SCNN1B: variants seen among roughly 807,000 people sequenced by gnomAD.
SCNN1B encodes the protein sodium channel epithelial 1 subunit beta.
SCNN1B carries 46 observed loss-of-function variants against 65.3 expected under a neutral mutation model. That is an observed-to-expected ratio of 0.70 (90% CI 0.56 to 0.90). The LOEUF (loss-of-function observed/expected upper bound fraction) is 0.90. SCNN1B is among the 40% of genes least tolerant of loss of function. SCNN1B has a pLI of 0.00. For synonymous variants in SCNN1B, 349 were observed against 330.6 expected, an observed-to-expected ratio of 1.06 and a Z score of -0.60; for missense variants, 751 against 830.5, an observed-to-expected ratio of 0.90 and a Z score of 1.18.
At chr16:23,351,172 G>T (rs996394558) in intron 2 of SCNN1B, among the ~76,000 whole-genome samples, 7 of 152,138 alleles carry the variant, frequency 4.6e-5, no homozygotes, top group South Asian at 2.1e-4. Flanking sequence ...TTCCTGCCTT[G>T]GTGGGTTCTT....
In SCNN1B at chr16:23,345,646, A is replaced by G. The variant is rs191509323; in HGVS notation, c.-8-2946A>G. ...TATAAACGAATAGAATTGAGTCCTA[A>G]TGTTCCACTTTGAGTCACATGCACA... On this transcript the variant is annotated intron_variant, in intron 1 of 12. Coordinates refer to ENST00000343070, the MANE Select transcript of SCNN1B (RefSeq NM_000336.3). Among the ~76,000 whole-genome samples, 13 of 152,328 alleles carry G rather than the reference A, an allele frequency of 8.5e-5. 1 individual carries two copies. Among genetic ancestry groups the G allele is most frequent in the African/African-American group, 3.1e-4 (13 of 41,578 alleles).
intron 1 of SCNN1B, among the ~76,000 whole-genome samples, chr16:23,334,398 A>G (rs1327294353): frequency 1.3e-5 from 2 of 152,170 alleles, no homozygotes; most frequent in African/African-American, 4.8e-5. Flanking sequence ...GACTATATAC[A>G]TGCATACTGT....
At chr16:23,296,413 G>C (rs1313830700) in intron 2 of SCNN1B, among the ~76,000 whole-genome samples, 1 of 152,156 alleles carries the variant, frequency 6.6e-6, no homozygotes, top group Non-Finnish European at 1.5e-5. Context: ...GTTAACAAAA[G>C]CTGGATCTCT....
intron 1 of SCNN1B, among the ~76,000 whole-genome samples, chr16:23,280,553 C>A (rs1043995383): frequency 2.6e-5 from 4 of 152,112 alleles, no homozygotes; most frequent in South Asian, 2.1e-4. Flanking sequence ...TAGTTTTCCA[C>A]GTATTAAACA....
chr16:23,370,485 C>T (rs1355722406), intron 5 of SCNN1B, among the ~76,000 whole-genome samples: 1 of 152,188 alleles, frequency 6.6e-6, no homozygotes. Context: ...TTGTCCTAAC[C>T]AGAGGGACTC....
intron 1 of SCNN1B, among the ~76,000 whole-genome samples, chr16:23,337,156 A>G (rs1473355148): frequency 4.6e-5 from 7 of 152,086 alleles, no homozygotes; most frequent in African/African-American, 1.7e-4. Flanking sequence ...GGCTCAAGCA[A>G]TCCTCCCACC....
intron 8 of SCNN1B, 32 bp from the exon 9 acceptor site, chr16:23,377,133 A>AAAGC (rs766005858): frequency 1.2e-6 from 2 of 1,606,472 alleles, no homozygotes; most frequent in East Asian, 2.2e-5. Flanking sequence ...GCCCCCTTAA[A>AAAGC]CCTCTTGGCC....
chr16:23,294,476 C>G (rs1382585383), intron 2 of SCNN1B, among the ~76,000 whole-genome samples: 1 of 138,954 alleles, frequency 7.2e-6, no homozygotes, highest in Non-Finnish European at 1.6e-5. Flanking sequence ...CCCCCCATCA[C>G]CTCTCTGAAC....
chr16:23,334,153 A>G (rs1023296781), intron 1 of SCNN1B, among the ~76,000 whole-genome samples: 6 of 152,154 alleles, frequency 3.9e-5, no homozygotes, highest in African/African-American at 7.2e-5. Flanking sequence ...GTGGACAGCC[A>G]CATTCCCCAG....
chr16:23,363,792 C>T lies in SCNN1B; in HGVS notation c.777-4064C>T, dbSNP rs138982049. Among the ~76,000 whole-genome samples, 15 of 151,156 alleles carry T rather than the reference C, an allele frequency of 9.9e-5. No individual in the cohort carries two copies. The East Asian group carries it at 2.9e-3, about 29-fold the overall frequency. ...TCACGCCATTGCACTCCAGCCTGGG[C>T]AACAGAGTGACACCCTGTCTCTACC... On this transcript the variant is annotated intron_variant, in intron 4 of 12. Transcript: ENST00000343070.
At chr16:23,343,749 G>A (rs1287855404) in intron 1 of SCNN1B, among the ~76,000 whole-genome samples, 2 of 152,142 alleles carry the variant, frequency 1.3e-5, no homozygotes, top group East Asian at 3.8e-4. Context: ...TGAGTTCAGG[G>A]CCAATGTATA....
chr16:23,311,891 A>G (rs1022699909), intron 1 of SCNN1B, among the ~76,000 whole-genome samples: 1 of 152,196 alleles, frequency 6.6e-6, no homozygotes, highest in African/African-American at 2.4e-5. Flanking sequence ...GAAAGCCCCA[A>G]GAGATGGCCA....
chr16:23,294,556 A>C (rs1252706924), intron 2 of SCNN1B, among the ~76,000 whole-genome samples: 1 of 147,792 alleles, frequency 6.8e-6, no homozygotes, highest in Non-Finnish European at 1.5e-5. Flanking sequence ...CTTCAAACAC[A>C]CCCAGCACAC....
Position 23,378,721 on chromosome 16 carries a change from G to T in SCNN1B, c.1420G>T (p.Val474Phe), listed in dbSNP as rs767553064. The change falls in exon 11 of 13, where the codon GTC (valine) becomes TTC (phenylalanine). Residue 474 changes from valine (V) to phenylalanine (F), a missense_variant. By Grantham distance (50) the Val-to-Phe change is conservative (BLOSUM62 -1). Transcript: ENST00000343070. ...TGGGTTCCAGGACTGGATTTTCCAC[G>T]TCTTGTCTCAGGAGCGGGACCAAAG... The part of the protein sequence containing the change: ...SEASEDWIFH[V>F]LSQERDQSTN... The T allele has an allele frequency of 1.9e-6, 3 of 1,614,128 alleles. No individual in the cohort carries two copies. The highest frequency in any genetic ancestry group is 2.5e-6 in the Non-Finnish European group (3 of 1,180,030).
chr16:23,285,645 T>TA (rs1360171664), intron 2 of SCNN1B, among the ~76,000 whole-genome samples: 6 of 141,924 alleles, frequency 4.2e-5, no homozygotes, highest in Admixed American at 3.5e-4. Flanking sequence ...TTAGCAAGAG[T>TA]AAAAAAACAA....
intron 2 of SCNN1B, among the ~76,000 whole-genome samples, chr16:23,292,105 C>T (rs1348605074): frequency 6.6e-6 from 1 of 152,004 alleles, no homozygotes; most frequent in African/African-American, 2.4e-5. Context: ...CTGCCCCCTG[C>T]TCTGCCCTTG....
chr16:23,352,651 T>C (rs1406951100), intron 2 of SCNN1B, 150 bp from the exon 3 acceptor site: 12 of 883,866 alleles, frequency 1.4e-5, no homozygotes, highest in Non-Finnish European at 2.0e-5. Flanking sequence ...GTGAGTCAAT[T>C]ATACCTCTTC....
chr16:23,348,955 T>C lies in SCNN1B; in HGVS notation c.311+45T>C, dbSNP rs7196248. ...ACAGCTGGCCTCAGCAGACAGGCGG[T>C]TCTCTTTCTCTCTTTTCTTCCCTTC... On this transcript the variant is annotated intron_variant, in intron 2 of 12. Coordinates refer to ENST00000343070, the MANE Select transcript of SCNN1B (RefSeq NM_000336.3). This position sits in a 1 kb window ranked among gnomAD's most constrained non-coding sequence, Gnocchi z 4.5. 2.1e-5 allele frequency: 32 copies of C among 1,491,768 alleles called. 1 individual carries two copies. The highest frequency in any genetic ancestry group is 1.7e-4 in the Middle Eastern group (1 of 5,830). 92.4% of individuals were successfully genotyped at this position (1,491,768 alleles called of 1,614,324 possible).
chr16:23,360,832 T>C (rs1236719645), intron 4 of SCNN1B, among the ~76,000 whole-genome samples: 1 of 151,206 alleles, frequency 6.6e-6, no homozygotes, highest in East Asian at 1.9e-4. Context: ...TCTCACTCTG[T>C]CGCCCAGGCT....
Sources: allele counts gnomAD v4.1 joint callset (sites outside exome capture counted in the v4.1 genomes callset), GRCh38; gene constraint gnomAD v4.1.1; non-coding constraint Gnocchi (gnomAD v3.1); transcripts MANE v1.5; gene names NCBI Gene and HGNC (gene_info 2026-07-23, HGNC 2026-07-21).